RELN: variants seen among roughly 807,000 people sequenced by gnomAD.
The protein encoded by RELN is reelin.
Under a neutral mutation model 427.6 loss-of-function variants are expected in RELN, and 108 were observed. That is an observed-to-expected ratio of 0.25 (90% confidence interval 0.22 to 0.30). The LOEUF (loss-of-function observed/expected upper bound fraction) is 0.30. Ranked by LOEUF, RELN falls within the 10% of genes least tolerant of loss-of-function variation. The probability of loss-of-function intolerance (pLI) is 1.00; values close to 1 mark genes in which losing one functional copy is unlikely to be tolerated. For missense variants in RELN, 3,715 were observed against 4,302.8 expected, an observed-to-expected ratio of 0.86 and a Z score of 3.82; for synonymous variants, 1,524 against 1,513.4, an observed-to-expected ratio of 1.01 and a Z score of -0.16.
intron 1 of RELN, among the ~76,000 whole-genome samples, chr7:103,980,792 G>A (rs1796977994): frequency 6.6e-6 from 1 of 152,132 alleles, no homozygotes; most frequent in Admixed American, 6.5e-5. Flanking sequence ...TCATTCAGGA[G>A]TCTTTGAGTT....
chr7:103,729,916 T>G (rs753536352), intron 6 of RELN, among the ~76,000 whole-genome samples: 3 of 140,054 alleles, frequency 2.1e-5, no homozygotes, highest in Admixed American at 1.4e-4. Context: ...TATATTAGGG[T>G]TTTTTTTTTC....
At chr7:103,897,039 G>C (rs1160419944) in intron 2 of RELN, among the ~76,000 whole-genome samples, 4 of 151,126 alleles carry the variant, frequency 2.6e-5, no homozygotes, top group South Asian at 2.1e-4. Context: ...GCTTGTGTAG[G>C]GGAACTCCCC....
chr7:103,876,338 A>T (rs1794477583), intron 2 of RELN, among the ~76,000 whole-genome samples: 1 of 152,144 alleles, frequency 6.6e-6, no homozygotes, highest in African/African-American at 2.4e-5. Flanking sequence ...AAAGATATGG[A>T]GCAGTAATTT....
chr7:103,503,336 C>A (rs1313971887), intron 51 of RELN, 106 bp from the exon 52 acceptor site: 54 of 854,534 alleles, frequency 6.3e-5, no homozygotes, highest in Admixed American at 1.3e-4. Context: ...TACACTGTAC[C>A]ACATCCATCC....
At chr7:103,547,177 T>A (rs1023471652) in intron 41 of RELN, among the ~76,000 whole-genome samples, 1 of 152,244 alleles carries the variant, frequency 6.6e-6, no homozygotes, top group African/African-American at 2.4e-5. Flanking sequence ...GTTTTCTGTT[T>A]GAGAAACAGA....
intron 24 of RELN, among the ~76,000 whole-genome samples, chr7:103,601,959 G>T (rs985062837): frequency 3.3e-5 from 5 of 152,138 alleles, no homozygotes; most frequent in African/African-American, 1.2e-4. Flanking sequence ...CACATCAGCA[G>T]ATGCCACCAG....
intron 3 of RELN, among the ~76,000 whole-genome samples, chr7:103,781,336 T>C (rs1032909765): frequency 1.3e-5 from 2 of 152,148 alleles, no homozygotes; most frequent in African/African-American, 4.8e-5. Context: ...TGGAAATATA[T>C]ATATTCTGCT....
chr7:103,772,799 G>A (rs1313931079), intron 4 of RELN, among the ~76,000 whole-genome samples: 1 of 152,174 alleles, frequency 6.6e-6, no homozygotes, highest in African/African-American at 2.4e-5. Flanking sequence ...CGAGGTAGGA[G>A]AGGCAAACTG....
intron 9 of RELN, among the ~76,000 whole-genome samples, chr7:103,698,652 A>G (rs1398666067): frequency 6.6e-6 from 1 of 152,062 alleles, no homozygotes; most frequent in African/African-American, 2.4e-5. Context: ...AGCTAGGACT[A>G]CAGGCATCCA....
chr7:103,525,074 C>T (rs921586188), intron 46 of RELN, among the ~76,000 whole-genome samples: 1 of 152,058 alleles, frequency 6.6e-6, no homozygotes, highest in African/African-American at 2.4e-5. Flanking sequence ...CTCATTCCCA[C>T]CTTTCTGCCT....
intron 8 of RELN, among the ~76,000 whole-genome samples, chr7:103,721,683 T>C (rs1438941829): frequency 1.3e-5 from 2 of 152,172 alleles, no homozygotes; most frequent in African/African-American, 2.4e-5. Context: ...TTAGGAGACA[T>C]ATATTTTAAA....
chr7:103,979,837 T>C (rs186849368), intron 1 of RELN, among the ~76,000 whole-genome samples: 19 of 152,336 alleles, frequency 1.2e-4, no homozygotes, highest in African/African-American at 3.4e-4. Flanking sequence ...TAAGTTCTAT[T>C]AGTGTGTGAG....
chr7:103,520,056 T>C (rs1183364259), intron 48 of RELN, among the ~76,000 whole-genome samples: 1 of 152,088 alleles, frequency 6.6e-6, no homozygotes, highest in East Asian at 1.9e-4. Context: ...GTTTTCTTTT[T>C]CCTTTTTTTT....
intron 1 of RELN, among the ~76,000 whole-genome samples, chr7:103,984,431 T>C (rs1797055609): frequency 6.6e-6 from 1 of 152,120 alleles, no homozygotes; most frequent in African/African-American, 2.4e-5. Context: ...GGAAATATAA[T>C]TAAATAACTC....
chr7:103,767,613 G>T (rs1791457603), intron 4 of RELN, among the ~76,000 whole-genome samples: 1 of 152,130 alleles, frequency 6.6e-6, no homozygotes, highest in South Asian at 2.1e-4. Flanking sequence ...AGGTTGTTCA[G>T]TAATAATTGC....
At chr7:103,479,739 T>C (rs1466080668) in intron 63 of RELN, among the ~76,000 whole-genome samples, 1 of 152,216 alleles carries the variant, frequency 6.6e-6, no homozygotes, top group Non-Finnish European at 1.5e-5. Context: ...ATCTTGTTCA[T>C]TTAGGATACA....
chr7:103,935,961 C>G (rs1013014548), intron 1 of RELN, among the ~76,000 whole-genome samples: 10 of 152,174 alleles, frequency 6.6e-5, no homozygotes, highest in Non-Finnish European at 1.2e-4. Flanking sequence ...GTCTCTCTCT[C>G]TCTTCCCACC....
At position 103,474,806 on chromosome 7, in the gene RELN, G is replaced by GAAAA. The variant is rs57064398; in HGVS notation, c.10287-1902_10287-1899dup. Among the ~76,000 whole-genome samples the GAAAA allele has an allele frequency of 6.3e-4, 85 of 135,698 alleles. 1 individual carries two copies. Among genetic ancestry groups the GAAAA allele is most frequent in the African/African-American group, 2.2e-3 (84 of 37,676 alleles). 89.0% of individuals were successfully genotyped at this position (135,698 alleles called of 152,430 possible). ...GCCTCCTTAACTTTTTTCCTTTTATGAAAAAAAAAAAAAACTCCACTGAAA... is the reference window on the plus strand; with the variant it reads ...GCCTCCTTAACTTTTTTCCTTTTATGAAAAAAAAAAAAAAAAAACTCCACTGAAA... On this transcript the variant is annotated intron_variant, in intron 64 of 64. Transcript: ENST00000428762.
chr7:103,763,082 C>T (rs1011719209), intron 4 of RELN, among the ~76,000 whole-genome samples: 4 of 152,150 alleles, frequency 2.6e-5, no homozygotes, highest in Non-Finnish European at 4.4e-5. Context: ...ATAGAAGTTT[C>T]TTCTGTAGTT....
Sources: allele counts gnomAD v4.1 joint callset (sites outside exome capture counted in the v4.1 genomes callset), GRCh38; gene constraint gnomAD v4.1.1; transcripts MANE v1.5; gene names NCBI Gene and HGNC (gene_info 2026-07-23, HGNC 2026-07-21).